The following NOSTRIN variants were observed in gnomAD, a reference collection of about 807,000 sequenced individuals.
NOSTRIN encodes nitric oxide synthase trafficking.
In NOSTRIN, 63 loss-of-function variants were observed where a neutral mutation model predicts 59.0. The observed-to-expected ratio is 1.07, with a 90% CI of 0.87 to 1.32. The LOEUF (loss-of-function observed/expected upper bound fraction) is 1.32, where lower values mean the gene tolerates loss of function less well. Ranked by LOEUF, NOSTRIN falls within the 40% of genes most tolerant of loss-of-function variation. The probability of loss-of-function intolerance (pLI) is 0.00; values close to 1 mark genes in which losing one functional copy is unlikely to be tolerated. For synonymous variants in NOSTRIN, 200 were observed against 165.4 expected, an observed-to-expected ratio of 1.21 and a Z score of -1.61; for missense variants, 512 against 473.1, an observed-to-expected ratio of 1.08 and a Z score of -0.76.
Position 168,828,459 on chromosome 2 carries a change from G to A in NOSTRIN, c.300G>A (p.Pro100=), listed in dbSNP as rs372128529. ...CAATTGAATTGGAAGCAATAAAACCGACTTATCAAGTCCTAAATGTACAAG... is the reference window on the plus strand; with the variant it reads ...CAATTGAATTGGAAGCAATAAAACCAACTTATCAAGTCCTAAATGTACAAG... ...GKAIELEAIK[P]TYQVLNVQEK... Residue 100 remains proline (P), a synonymous_variant, in exon 5 of 16, where the codon CCG becomes CCA. Coordinates refer to ENST00000317647, the MANE Select transcript of NOSTRIN (RefSeq NM_001039724.4). 2.6e-5 allele frequency: 23 copies of A among 872,022 alleles called. No homozygotes were observed. Among genetic ancestry groups the A allele is most frequent in the African/African-American group, 2.0e-4 (12 of 61,264 alleles). The allele number at this position is 872,022 out of a possible 1,614,324, so 54.0% of individuals were successfully genotyped here.
chr2:168,856,213 A>G (rs1689095357), intron 11 of NOSTRIN: 1 of 224,702 alleles, frequency 4.5e-6, no homozygotes, highest in Admixed American at 5.4e-5. Flanking sequence ...AGAGAAAGGT[A>G]AACAGTTCAT....
intron 9 of NOSTRIN, 37 bp from the exon 10 acceptor site, chr2:168,851,242 C>T (rs1392341893): frequency 6.2e-7 from 1 of 1,613,954 alleles, no homozygotes; most frequent in Admixed American, 1.7e-5. Context: ...AGAAACCTTT[C>T]TTCGACAACC....
In NOSTRIN at chr2:168,834,252, C is replaced by T; in HGVS notation, c.431C>T (p.Thr144Ile). 1 of 872,718 alleles carries T rather than the reference C, an allele frequency of 1.1e-6. No individual in the cohort carries two copies. The highest frequency in any genetic ancestry group is 2.0e-6 in the Non-Finnish European group (1 of 501,630). The allele number at this position is 872,718 out of a possible 1,614,324, so 54.1% of individuals were successfully genotyped here. A position where few individuals can be genotyped will look rare whatever the true frequency, so the allele number is the denominator to read the frequency against. The change falls in exon 7 of 16, where the codon ACC becomes ATC. Residue 144 changes from threonine to isoleucine, a missense_variant. Coordinates refer to ENST00000317647, the MANE Select transcript of NOSTRIN (RefSeq NM_001039724.4). ...IKAKKKLMVS[T>I]KKHEALFQLV... is the part of the protein sequence containing the mutation. The stretch of plus-strand genomic sequence containing the variant: ...GCCAAGAAGAAATTAATGGTTAGTA[C>T]CAAGAAACATGAAGCACTTTTCCAG...
intron 2 of NOSTRIN, among the ~76,000 whole-genome samples, chr2:168,788,438 G>T (rs1296730402): frequency 6.6e-6 from 1 of 152,138 alleles, no homozygotes; most frequent in Non-Finnish European, 1.5e-5. Flanking sequence ...GCATGGAGAT[G>T]TCTGCCCAGG....
chr2:168,802,436 T>G, upstream of NOSTRIN: 2 of 531,038 alleles, frequency 3.8e-6, no homozygotes, highest in East Asian at 6.9e-5. Flanking sequence ...TATCTCACAC[T>G]GGCCGTCTTG....
At chr2:168,837,434 C>T (rs1202047781) in intron 7 of NOSTRIN, among the ~76,000 whole-genome samples, 1 of 150,930 alleles carries the variant, frequency 6.6e-6, no homozygotes, top group Non-Finnish European at 1.5e-5. Flanking sequence ...CTCAGCCTCC[C>T]GAGTAGCTGG....
chr2:168,825,573 G>A (rs1687015267), intron 3 of NOSTRIN, among the ~76,000 whole-genome samples: 1 of 152,230 alleles, frequency 6.6e-6, no homozygotes. Context: ...ATGAGATCAT[G>A]TGTGTGGAGA....
In NOSTRIN at chr2:168,855,422, T is replaced by C; in HGVS notation, c.926T>C (p.Leu309Pro). Residue 309 changes from leucine (L) to proline (P), a missense_variant, in exon 11 of 16, where the codon CTG becomes CCG. By Grantham distance (98) the Leu-to-Pro change is moderately conservative. Coordinates refer to ENST00000317647, the MANE Select transcript of NOSTRIN (RefSeq NM_001039724.4). ...KSLLKPKLLR[L>P]QRDIEKASKD... ...TTACTAAAACCAAAATTATTGAGAC[T>C]GCAGAGAGACATTGAAAAAGCCTCA... 1 of 1,611,238 alleles carries C rather than the reference T, an allele frequency of 6.2e-7. No individual in the cohort carries two copies. Among genetic ancestry groups the C allele is most frequent in the South Asian group, 1.1e-5 (1 of 90,948 alleles).
chr2:168,854,255 C>A (rs531980036), intron 10 of NOSTRIN, among the ~76,000 whole-genome samples: 8 of 152,248 alleles, frequency 5.3e-5, no homozygotes, highest in African/African-American at 1.9e-4. Flanking sequence ...AGAGGCTATT[C>A]CCTTTGCTCT....
At chr2:168,837,410 T>C (rs1413924934) in intron 7 of NOSTRIN, among the ~76,000 whole-genome samples, 1 of 145,642 alleles carries the variant, frequency 6.9e-6, no homozygotes, top group African/African-American at 2.5e-5. Context: ...TCTGGGTTCA[T>C]GACATTCTCC....
chr2:168,813,929 T>C (rs1686276544), intron 2 of NOSTRIN, among the ~76,000 whole-genome samples: 3 of 152,340 alleles, frequency 2.0e-5, no homozygotes, highest in Non-Finnish European at 4.4e-5. Flanking sequence ...TTAAAGTTGC[T>C]TTGTATTGAT....
intron 7 of NOSTRIN, among the ~76,000 whole-genome samples, chr2:168,838,193 C>A (rs558658999): frequency 6.6e-6 from 1 of 152,346 alleles, no homozygotes; most frequent in South Asian, 2.1e-4. Context: ...ATCCAACCAT[C>A]ACTTTTTTTC....
intron 10 of NOSTRIN, 118 bp downstream of exon 10, chr2:168,851,522 AC>A (rs1203355019): frequency 7.1e-7 from 1 of 1,402,268 alleles, no homozygotes; most frequent in Non-Finnish European, 9.4e-7. Flanking sequence ...GATTTCTCAT[AC>A]CCCATATAAA....
chr2:168,841,500 AGGGAGCAGATCATTG>A (rs1688107576), intron 7 of NOSTRIN, among the ~76,000 whole-genome samples: 1 of 152,172 alleles, frequency 6.6e-6, no homozygotes, highest in African/African-American at 2.4e-5. Flanking sequence ...GCTCTTTGTA[AGGGAGCAGATCATTG>A]GGGAGCAGGA....
chr2:168,860,499 C>T (rs1361300948), intron 13 of NOSTRIN, among the ~76,000 whole-genome samples: 2 of 152,186 alleles, frequency 1.3e-5, no homozygotes, highest in South Asian at 2.1e-4. Context: ...GGTGAAACCC[C>T]GTCTCTACTA....
upstream of NOSTRIN, among the ~76,000 whole-genome samples, chr2:168,795,351 A>G (rs1200318390): frequency 3.3e-5 from 5 of 152,262 alleles, no homozygotes; most frequent in East Asian, 9.6e-4. Context: ...AGGTGATTAA[A>G]TGAAGATATA....
chr2:168,850,981 T>C (rs769976247), intron 8 of NOSTRIN, 103 bp from the exon 9 acceptor site: 1 of 863,226 alleles, frequency 1.2e-6, no homozygotes, highest in Non-Finnish European at 2.0e-6. Context: ...AGGCTAATCA[T>C]GAGACTTTGT....
chr2:168,863,785 C>T (rs1203285019), intron 15 of NOSTRIN: 6 of 361,032 alleles, frequency 1.7e-5, no homozygotes, highest in African/African-American at 2.2e-5. Context: ...GCCAAACAAT[C>T]AAAAACACCA....
At chr2:168,817,401 G>T (rs936010601) in intron 2 of NOSTRIN, among the ~76,000 whole-genome samples, 1 of 152,188 alleles carries the variant, frequency 6.6e-6, no homozygotes, top group Non-Finnish European at 1.5e-5. Context: ...TACCTCAGGG[G>T]GTGAGGAGGA....
Sources: allele counts gnomAD v4.1 joint callset (sites outside exome capture counted in the v4.1 genomes callset), GRCh38; gene constraint gnomAD v4.1.1; transcripts MANE v1.5; gene names NCBI Gene and HGNC (gene_info 2026-07-23, HGNC 2026-07-21).